The following ARHGAP6 variants were observed in gnomAD, a reference collection of about 807,000 sequenced individuals.
ARHGAP6 encodes Rho GTPase activating protein 6.
ARHGAP6 carries 16 observed loss-of-function variants against 55.7 expected under a neutral mutation model. The ratio of observed to expected loss-of-function variants is 0.29; its 90% CI spans 0.19 to 0.44. The LOEUF is 0.44. Ranked by LOEUF, ARHGAP6 falls within the 20% of genes least tolerant of loss-of-function variation. The pLI is 1.00. For synonymous variants in ARHGAP6, 382 were observed against 360.9 expected, an observed-to-expected ratio of 1.06 and a Z score of -0.66; for missense variants, 698 against 808.9, an observed-to-expected ratio of 0.86 and a Z score of 1.66.
intron 1 of ARHGAP6, among the ~76,000 whole-genome samples, chrX:11,406,793 A>G (rs1181279542): frequency 8.1e-5 from 9 of 111,507 alleles, no homozygotes; most frequent in Non-Finnish European, 1.7e-4. Flanking sequence ...ATAAACTGTC[A>G]CCTACAAACT....
intron 1 of ARHGAP6, among the ~76,000 whole-genome samples, chrX:11,505,647 C>A (rs1041439129): frequency 7.2e-5 from 8 of 111,639 alleles, no homozygotes; most frequent in Non-Finnish European, 1.1e-4. Context: ...ATGGAATCAA[C>A]CTAAATGCCC....
intron 9 of ARHGAP6, among the ~76,000 whole-genome samples, chrX:11,163,628 T>C (rs762446597): frequency 8.9e-6 from 1 of 112,847 alleles, no homozygotes; most frequent in East Asian, 2.8e-4. Flanking sequence ...TGGCTGTTTA[T>C]GGGAGCAAAA....
intron 1 of ARHGAP6, among the ~76,000 whole-genome samples, chrX:11,559,929 A>AAATAAT (rs755756728): frequency 0.038 from 3,654 of 96,101 alleles, 96 homozygotes; most frequent in East Asian, 0.073. Context: ...CTCGGTCTCA[A>AAATAAT]AATAATAATA....
intron 2 of ARHGAP6, among the ~76,000 whole-genome samples, chrX:11,206,252 A>G (rs2046702723): frequency 1.8e-5 from 2 of 108,584 alleles, no homozygotes; most frequent in Admixed American, 2.0e-4. Context: ...CCAGTCATAA[A>G]AATAACCTTA....
At chrX:11,140,434 A>AAAC (rs1268602263) in intron 12 of ARHGAP6, among the ~76,000 whole-genome samples, 1 of 74,144 alleles carries the variant, frequency 1.3e-5, no homozygotes, top group Non-Finnish European at 3.0e-5. Flanking sequence ...AAAAAAAAAA[A>AAAC]TTAAAAAAAA....
intron 1 of ARHGAP6, among the ~76,000 whole-genome samples, chrX:11,643,576 G>A (rs2052497349): frequency 9.0e-6 from 1 of 111,570 alleles, no homozygotes; most frequent in Admixed American, 9.5e-5. Context: ...ATTTTTCTGG[G>A]TTCTCTTTTT....
At chrX:11,413,986 G>T (rs1176214277) in intron 1 of ARHGAP6, among the ~76,000 whole-genome samples, 1 of 111,414 alleles carries the variant, frequency 9.0e-6, no homozygotes, top group African/African-American at 3.3e-5. Flanking sequence ...ACATATACTG[G>T]TGAATCAATG....
At chrX:11,387,268 C>T (rs1202519288) in intron 1 of ARHGAP6, among the ~76,000 whole-genome samples, 1 of 111,532 alleles carries the variant, frequency 9.0e-6, no homozygotes, top group Admixed American at 9.5e-5. Flanking sequence ...TATGCACCAC[C>T]CTCGACCACT....
chrX:11,550,020 C>T (rs1407330391), intron 1 of ARHGAP6, among the ~76,000 whole-genome samples: 1 of 111,944 alleles, frequency 8.9e-6, no homozygotes, highest in East Asian at 2.8e-4. Flanking sequence ...ATAAAGGGCA[C>T]TTAGAAAATG....
intron 1 of ARHGAP6, among the ~76,000 whole-genome samples, chrX:11,356,312 C>T (rs1327503573): frequency 2.7e-5 from 3 of 110,330 alleles, no homozygotes; most frequent in Non-Finnish European, 5.7e-5. Context: ...ACCTAATGCA[C>T]GTGGGGCTTA....
chrX:11,663,877 T>A (rs1467652661), intron 1 of ARHGAP6, among the ~76,000 whole-genome samples: 15 of 112,624 alleles, frequency 1.3e-4, no homozygotes, highest in Non-Finnish European at 2.1e-4. Flanking sequence ...TTTCATCCAA[T>A]CGTTACAAAC....
intron 1 of ARHGAP6, among the ~76,000 whole-genome samples, chrX:11,487,880 T>G (rs769595501): frequency 2.7e-5 from 3 of 112,141 alleles, no homozygotes; most frequent in Non-Finnish European, 5.6e-5. Context: ...AAATGTCAAC[T>G]AACACAGTAA....
intron 9 of ARHGAP6, among the ~76,000 whole-genome samples, chrX:11,162,637 T>A (rs1189803923): frequency 9.0e-6 from 1 of 111,278 alleles, no homozygotes; most frequent in African/African-American, 3.3e-5. Flanking sequence ...AAAATAATAA[T>A]AATCTAAAAT....
intron 1 of ARHGAP6, among the ~76,000 whole-genome samples, chrX:11,640,343 C>T (rs757285683): frequency 1.8e-5 from 2 of 111,593 alleles, no homozygotes; most frequent in Non-Finnish European, 3.8e-5. Context: ...CCCCAAAATA[C>T]TCATTTATTC....
chrX:11,355,286 G>A (rs2048918017), intron 1 of ARHGAP6, among the ~76,000 whole-genome samples: 1 of 112,395 alleles, frequency 8.9e-6, no homozygotes, highest in Non-Finnish European at 1.9e-5. Context: ...TGGTCTGGAG[G>A]ATACGCCTTT....
chrX:11,352,858 T>G (rs2147673638), intron 1 of ARHGAP6, among the ~76,000 whole-genome samples: 1 of 111,935 alleles, frequency 8.9e-6, no homozygotes, highest in South Asian at 3.8e-4. Context: ...ATTATGCATA[T>G]ACACTCTGTT....
intron 1 of ARHGAP6, among the ~76,000 whole-genome samples, chrX:11,522,086 C>A (rs376956456): frequency 9.0e-6 from 1 of 111,557 alleles, no homozygotes; most frequent in Non-Finnish European, 1.9e-5. Flanking sequence ...GAAACTCACT[C>A]AAAACCGCCC....
chrX:11,276,741 A>G (rs939215487), intron 1 of ARHGAP6, among the ~76,000 whole-genome samples: 3 of 112,527 alleles, frequency 2.7e-5, no homozygotes, highest in African/African-American at 9.7e-5. Context: ...TTTTAAAATG[A>G]TAAATTACAC....
intron 1 of ARHGAP6, among the ~76,000 whole-genome samples, chrX:11,583,732 T>C: frequency 9.0e-6 from 1 of 111,357 alleles, no homozygotes; most frequent in Middle Eastern, 4.7e-3. Flanking sequence ...TTAGGAAAAC[T>C]ATTAACAGAA....
Sources: allele counts gnomAD v4.1 joint callset (sites outside exome capture counted in the v4.1 genomes callset), GRCh38; gene constraint gnomAD v4.1.1; transcripts MANE v1.5; gene names NCBI Gene and HGNC (gene_info 2026-07-23, HGNC 2026-07-21).